The following PDYN variants were observed in gnomAD, a reference collection of about 807,000 sequenced individuals.
PDYN encodes the protein prodynorphin.
A neutral mutation model predicts 11.4 loss-of-function variants in PDYN; 5 were observed. That is an observed-to-expected ratio of 0.44 (90% confidence interval 0.23 to 0.92). The LOEUF is 0.92. Ranked by LOEUF, PDYN falls within the 40% of genes least tolerant of loss-of-function variation. The pLI is 0.24. For synonymous variants in PDYN, 132 were observed against 129.5 expected, an observed-to-expected ratio of 1.02 and a Z score of -0.13; for missense variants, 337 against 317.3, an observed-to-expected ratio of 1.06 and a Z score of -0.47.
Position 1,980,633 on chromosome 20 carries a change from T to C in PDYN, c.455A>G (p.Asn152Ser). ...ESELMRDAQL[N>S]DGAMETGTLY... ...TGTGCCAGTCTCCATGGCACCATCG[T>C]TCAGCTGGGCATCCCTCATCAGCTC... is the stretch of plus-strand genomic sequence containing the variant. Residue 152 changes from asparagine to serine, a missense_variant, in exon 4 of 4, where the codon AAC becomes AGC. By Grantham distance (46) the Asn-to-Ser change is conservative. Coordinates refer to ENST00000217305, the MANE Select transcript of PDYN (RefSeq NM_024411.5). The C allele has an allele frequency of 6.2e-7, 1 of 1,614,146 alleles. No individual in the cohort carries two copies. The highest frequency in any genetic ancestry group is 2.2e-5 in the East Asian group (1 of 44,872).
At position 1,980,854 on chromosome 20, in the gene PDYN, G is replaced by A. The variant is rs200312876; in HGVS notation, c.234C>T (p.Asp78=). ...FFTPSTLGLN[D]KEDLGSKSVG... The stretch of plus-strand genomic sequence containing the variant: ...CCGACTTGCTCCCCAAGTCCTCCTT[G>A]TCATTGAGCCCAAGGGTGGAGGGGG... Residue 78 remains aspartate, a synonymous_variant, in exon 4 of 4, where the codon GAC becomes GAT. Transcript: ENST00000217305. 47 of 1,614,174 alleles carry A rather than the reference G, an allele frequency of 2.9e-5. No individual in the cohort carries two copies. The East Asian group carries it at 1.0e-3, about 35-fold the overall frequency.
intron 2 of PDYN, among the ~76,000 whole-genome samples, chr20:1,986,153 ACT>A (rs1376093314): frequency 6.6e-6 from 1 of 152,180 alleles, no homozygotes; most frequent in Non-Finnish European, 1.5e-5. Context: ...ATTCACAGAA[ACT>A]CTACAGCACT....
In PDYN at chr20:1,992,013, G is replaced by A. The variant is rs1988470638; in HGVS notation, c.-20+571C>T. 2.6e-5 allele frequency among the ~76,000 whole-genome samples: 4 copies of A among 152,110 alleles called. No individual in the cohort carries two copies. The South Asian group carries it at 8.3e-4, about 32-fold the overall frequency. On this transcript the variant is annotated intron_variant, in intron 2 of 3. Transcript: ENST00000217305. ...CGATATGATAATCGATGGAGAGAAA[G>A]GTCCAACCTCACCACTTCGGAACAG...
At chr20:1,989,250 C>A (rs1372413377) in intron 2 of PDYN, among the ~76,000 whole-genome samples, 1 of 152,170 alleles carries the variant, frequency 6.6e-6, no homozygotes, top group Non-Finnish European at 1.5e-5. Flanking sequence ...AAGCAACTGG[C>A]CCCATTCTTC....
rs1202147190 is a variant in PDYN, at chr20:1,979,017, A to G, written c.*1306T>C. ...CTATCCAGCCTCATCTCCTGGACCC[A>G]CAAACCAAAAGAGAGTGCCTGGGAA... On this transcript the variant is annotated 3_prime_UTR_variant, in exon 4 of 4. Coordinates refer to ENST00000217305, the MANE Select transcript of PDYN (RefSeq NM_024411.5). 1 of 152,186 alleles carries G rather than the reference A, an allele frequency of 6.6e-6. No individual in the cohort carries two copies. Among genetic ancestry groups the G allele is most frequent in the Non-Finnish European group, 1.5e-5 (1 of 68,052 alleles). The allele number at this position is 152,186 out of a possible 1,614,324, so 9.4% of individuals were successfully genotyped here. A position where few individuals can be genotyped will look rare whatever the true frequency, so the allele number is the denominator to read the frequency against.
At chr20:1,987,055 G>A (rs981165205) in intron 2 of PDYN, among the ~76,000 whole-genome samples, 2 of 152,166 alleles carry the variant, frequency 1.3e-5, no homozygotes, top group Non-Finnish European at 2.9e-5. Context: ...CAGGTAGGGG[G>A]GTCGCTGAGG....
intron 1 of PDYN, 78 bp downstream of exon 1, chr20:1,993,833 C>T (rs949770462): frequency 2.6e-5 from 4 of 152,536 alleles, no homozygotes; most frequent in African/African-American, 9.6e-5. Context: ...CGAGCTCCCA[C>T]CATCTCTAGG....
Position 1,980,261 on chromosome 20 carries a change from T to A in PDYN, c.*62A>T, listed in dbSNP as rs756130057. The A allele has an allele frequency of 2.6e-5, 39 of 1,515,502 alleles. No homozygotes were observed. The highest frequency in any genetic ancestry group is 3.8e-4 in the Middle Eastern group (2 of 5,330). 93.9% of individuals were successfully genotyped at this position (1,515,502 alleles called of 1,614,324 possible). ...GGGCACATATAAGAGGATGAATGAA[T>A]GCACTCCAACCTGAAAAGGTGTCAG... On this transcript the variant is annotated 3_prime_UTR_variant, in exon 4 of 4. Transcript: ENST00000217305.
chr20:1,981,323 T>C (rs939804977), intron 3 of PDYN, among the ~76,000 whole-genome samples: 1 of 152,130 alleles, frequency 6.6e-6, no homozygotes, highest in African/African-American at 2.4e-5. Context: ...CTCCCAGGCT[T>C]CTGCAGGTGT....
intron 2 of PDYN, among the ~76,000 whole-genome samples, chr20:1,984,400 G>C (rs1988039464): frequency 6.6e-6 from 1 of 152,062 alleles, no homozygotes; most frequent in Non-Finnish European, 1.5e-5. Flanking sequence ...CCACCTCATA[G>C]TCTCCTATCT....
chr20:1,987,280 G>C (rs1159246970), intron 2 of PDYN, among the ~76,000 whole-genome samples: 1 of 151,708 alleles, frequency 6.6e-6, no homozygotes, highest in Admixed American at 6.6e-5. Context: ...TGAATGAATG[G>C]TGTCCCAGTA....
intron 2 of PDYN, among the ~76,000 whole-genome samples, chr20:1,991,219 T>C (rs893462798): frequency 2.6e-5 from 4 of 152,206 alleles, no homozygotes; most frequent in Non-Finnish European, 5.9e-5. Flanking sequence ...ACATAATAAC[T>C]GCTCAGTAAA....
chr20:1,988,532 G>A (rs997682904), intron 2 of PDYN, among the ~76,000 whole-genome samples: 1 of 152,178 alleles, frequency 6.6e-6, no homozygotes, highest in African/African-American at 2.4e-5. Flanking sequence ...GGCCAAGGAG[G>A]AAAGGAACTT....
chr20:1,980,038 ACTGCTG>A lies in PDYN; in HGVS notation c.*279_*284del, dbSNP rs920178048. On this transcript the variant is annotated 3_prime_UTR_variant, in exon 4 of 4. Transcript: ENST00000217305. The stretch of plus-strand genomic sequence containing the variant: ...AACAGGTTGGAAGGACAGATCACAA[ACTGCTG>A]CTGCTGCTGCTGCTGCCGCTGCTGA... The A allele has an allele frequency of 2.0e-5, 10 of 488,412 alleles. No homozygotes were observed. Among genetic ancestry groups the A allele is most frequent in the East Asian group, 1.2e-4 (3 of 24,872 alleles). The allele number at this position is 488,412 out of a possible 1,614,324, so 30.3% of individuals were successfully genotyped here.
intron 2 of PDYN, among the ~76,000 whole-genome samples, chr20:1,989,495 C>T (rs1171876045): frequency 1.3e-5 from 2 of 152,196 alleles, no homozygotes; most frequent in Non-Finnish European, 2.9e-5. Flanking sequence ...ACCCTCTTTT[C>T]ACCCAGGGCC....
chr20:1,983,205 C>G, intron 2 of PDYN, 102 bp from the exon 3 acceptor site: 1 of 1,003,962 alleles, frequency 1.0e-6, no homozygotes, highest in Non-Finnish European at 1.5e-6. Flanking sequence ...CACAGCACTG[C>G]AAAGCATTCT....
chr20:1,989,375 C>A (rs1214241180), intron 2 of PDYN, among the ~76,000 whole-genome samples: 1 of 152,094 alleles, frequency 6.6e-6, no homozygotes, highest in Non-Finnish European at 1.5e-5. Context: ...ATGGGCTCTG[C>A]GGTCATTTGG....
intron 3 of PDYN, 92 bp downstream of exon 3, chr20:1,982,864 A>T: frequency 2.2e-6 from 3 of 1,385,602 alleles, no homozygotes; most frequent in Non-Finnish European, 3.1e-6. Flanking sequence ...ACAAGACAGC[A>T]CACAGCTGCC....
chr20:1,984,546 C>T (rs1373935371), intron 2 of PDYN, among the ~76,000 whole-genome samples: 5 of 152,136 alleles, frequency 3.3e-5, no homozygotes, highest in African/African-American at 7.2e-5. Flanking sequence ...GCCAGCACAT[C>T]GCAGGTCCTC....
Sources: allele counts gnomAD v4.1 joint callset (sites outside exome capture counted in the v4.1 genomes callset), GRCh38; gene constraint gnomAD v4.1.1; transcripts MANE v1.5; gene names NCBI Gene and HGNC (gene_info 2026-07-23, HGNC 2026-07-21).